The following DRC1 variants were observed in gnomAD, a reference collection of about 807,000 sequenced individuals.
DRC1 encodes dynein regulatory complex subunit 1.
A neutral mutation model predicts 98.7 loss-of-function variants in DRC1; 74 were observed. That is an observed-to-expected ratio of 0.75 (90% CI 0.62 to 0.91). The LOEUF (loss-of-function observed/expected upper bound fraction) is 0.91, where lower values mean the gene tolerates loss of function less well. Ranked by LOEUF, DRC1 falls within the 40% of genes least tolerant of loss-of-function variation. The probability of loss-of-function intolerance (pLI) is 0.00; values close to 1 mark genes in which losing one functional copy is unlikely to be tolerated. For missense variants in DRC1, 875 were observed against 886.0 expected (o/e 0.99, Z 0.16); for synonymous variants, 336 against 334.1 (o/e 1.01, Z -0.06).
intron 15 of DRC1, 68 bp from the exon 16 acceptor site, chr2:26,455,063 G>T: frequency 1.3e-6 from 2 of 1,561,018 alleles, no homozygotes; most frequent in Non-Finnish European, 1.8e-6. Context: ...CAACCACCAA[G>T]ACCCTGGCCC....
chr2:26,455,012 A>T, intron 15 of DRC1, 119 bp from the exon 16 acceptor site: 1 of 1,375,388 alleles, frequency 7.3e-7, no homozygotes, highest in South Asian at 1.2e-5. Context: ...CTGGGTGAAG[A>T]GTGTAGCTTC....
At chr2:26,436,664 A>T (rs1290908982) in intron 7 of DRC1, among the ~76,000 whole-genome samples, 1 of 152,214 alleles carries the variant, frequency 6.6e-6, no homozygotes, top group African/African-American at 2.4e-5. Flanking sequence ...TGAAATTCAC[A>T]TGAGCATGCA....
intron 4 of DRC1, 117 bp from the exon 5 acceptor site, chr2:26,429,511 T>C: frequency 7.3e-7 from 1 of 1,373,800 alleles, no homozygotes. Context: ...CAGCCCTCTT[T>C]GTACAGTTTC....
chr2:26,438,037 A>G (rs1160661177), intron 7 of DRC1, among the ~76,000 whole-genome samples: 1 of 143,002 alleles, frequency 7.0e-6, no homozygotes, highest in Non-Finnish European at 1.5e-5. Context: ...GGTTGCAGTG[A>G]GCTGAGATCA....
chr2:26,428,316 T>C (rs1663336745), intron 4 of DRC1, among the ~76,000 whole-genome samples: 1 of 152,234 alleles, frequency 6.6e-6, no homozygotes, highest in Non-Finnish European at 1.5e-5. Context: ...ATTTCATTGT[T>C]GTGAGAACAT....
At chr2:26,456,379 G>A in intron 16 of DRC1, 82 bp from the exon 17 acceptor site, 3 of 1,563,554 alleles carry the variant, frequency 1.9e-6, no homozygotes, top group Non-Finnish European at 2.6e-6. Flanking sequence ...GAGGCCCATG[G>A]GAGAGCCAGC....
At chr2:26,422,322 C>T (rs945916620) in intron 3 of DRC1, among the ~76,000 whole-genome samples, 6 of 152,114 alleles carry the variant, frequency 3.9e-5, no homozygotes, top group Non-Finnish European at 7.3e-5. Context: ...ACCAGACCCA[C>T]GAATACCTCA....
intron 1 of DRC1, among the ~76,000 whole-genome samples, chr2:26,404,366 C>T (rs1678352921): frequency 6.6e-6 from 1 of 152,176 alleles, no homozygotes; most frequent in Non-Finnish European, 1.5e-5. Flanking sequence ...GATTATTTTT[C>T]CTGATTGAGG....
At chr2:26,418,710 T>C (rs1159193548) in intron 2 of DRC1, among the ~76,000 whole-genome samples, 4 of 96,486 alleles carry the variant, frequency 4.1e-5, no homozygotes, top group African/African-American at 8.5e-5. Flanking sequence ...ATATTTAATT[T>C]ATATAATATA....
At chr2:26,426,168 T>C (rs1663278462) in intron 4 of DRC1, among the ~76,000 whole-genome samples, 1 of 152,208 alleles carries the variant, frequency 6.6e-6, no homozygotes. Context: ...CTCCACTGTA[T>C]AGTCTTGTCA....
rs116590182 is a variant in DRC1, at chr2:26,432,287, C to T, written c.888+281C>T. ...CGAGGCATGAGGATCGCTTGAGCCC[C>T]GGAGTTCGAGACCAACCTGGGCAAC... On this transcript the variant is annotated intron_variant, in intron 7 of 16. Coordinates refer to ENST00000288710, the MANE Select transcript of DRC1 (RefSeq NM_145038.5). Among the ~76,000 whole-genome samples the T allele has an allele frequency of 4.9e-3, 750 of 152,080 alleles. 7 individuals are homozygous for T. Among genetic ancestry groups the T allele is most frequent in the African/African-American group, 0.017 (717 of 41,478 alleles).
chr2:26,429,743 G>T lies in DRC1; in HGVS notation c.656G>T (p.Arg219Leu), dbSNP rs541474349. The T allele has an allele frequency of 1.2e-6, 2 of 1,614,120 alleles. No individual in the cohort carries two copies. Among genetic ancestry groups the T allele is most frequent in the Non-Finnish European group, 1.7e-6 (2 of 1,180,002 alleles). The stretch of plus-strand genomic sequence containing the variant: ...GTGAAGAATGTGATGAAAACCTTTC[G>T]TGAGGAGCTCTATAACATTGAGGTA... ...EQVKNVMKTF[R>L]EELYNIEKAF... is the part of the protein sequence containing the mutation. The change falls in exon 5 of 17, where the codon CGT (arginine) becomes CTT (leucine). Residue 219 changes from arginine (R) to leucine (L), a missense_variant. Coordinates refer to ENST00000288710, the MANE Select transcript of DRC1 (RefSeq NM_145038.5).
chr2:26,430,703 A>G, intron 5 of DRC1, 83 bp from the exon 6 acceptor site: 1 of 1,407,332 alleles, frequency 7.1e-7, no homozygotes, highest in Middle Eastern at 1.8e-4. Flanking sequence ...TATGGCACTT[A>G]TAGTTACCTG....
At chr2:26,405,028 A>G (rs1053834725) in intron 1 of DRC1, among the ~76,000 whole-genome samples, 2 of 152,210 alleles carry the variant, frequency 1.3e-5, no homozygotes, top group South Asian at 2.1e-4. Flanking sequence ...GAATCATTAC[A>G]ATATATATTT....
At chr2:26,445,783 C>T (rs149819077) in intron 10 of DRC1, among the ~76,000 whole-genome samples, 3 of 152,006 alleles carry the variant, frequency 2.0e-5, no homozygotes, top group East Asian at 1.9e-4. Context: ...CTCAGCCTCC[C>T]GAGGAGCTGG....
rs932144403 is a variant in DRC1, at chr2:26,456,551, G to A, written c.*34G>A. 1.2e-6 allele frequency: 2 copies of A among 1,613,332 alleles called. No individual in the cohort carries two copies. Among genetic ancestry groups the A allele is most frequent in the East Asian group, 4.5e-5 (2 of 44,866 alleles). On this transcript the variant is annotated 3_prime_UTR_variant, in exon 17 of 17. Transcript: ENST00000288710. The stretch of plus-strand genomic sequence containing the variant: ...GCCAAAGGCTGATGTGTTAGGGCTG[G>A]CCTGATGCTGGTGTCTGTGCCGGAG...
chr2:26,433,702 G>A (rs1262039706), intron 7 of DRC1, among the ~76,000 whole-genome samples: 1 of 152,160 alleles, frequency 6.6e-6, no homozygotes, highest in African/African-American at 2.4e-5. Context: ...ATCCTGGGGT[G>A]GGTGTAGGAG....
At chr2:26,440,175 T>C (rs1331940296) in intron 7 of DRC1, among the ~76,000 whole-genome samples, 12 of 151,510 alleles carry the variant, frequency 7.9e-5, no homozygotes, top group Admixed American at 7.2e-4. Flanking sequence ...TGGCTATGCA[T>C]AGCTAGGTAA....
rs1440342812 is a variant in DRC1, at chr2:26,444,886, C to G, written c.1334C>G (p.Pro445Arg). The change falls in exon 10 of 17, where the codon CCT becomes CGT. Residue 445 changes from proline (P) to arginine (R), a missense_variant. Pro to Arg is a moderately radical substitution (Grantham distance 103, BLOSUM62 -2). Coordinates refer to ENST00000288710, the MANE Select transcript of DRC1 (RefSeq NM_145038.5). ...TTCTGGTTCCTGAACAATGTTGGGC[C>G]TATTTCTCAGCAGCCCCAGAAGTCC... ...PDFWFLNNVG[P>R]ISQQPQKSAT... 4 of 1,614,174 alleles carry G rather than the reference C, an allele frequency of 2.5e-6. No homozygotes were observed. Among genetic ancestry groups the G allele is most frequent in the Non-Finnish European group, 3.4e-6 (4 of 1,180,034 alleles).
Sources: allele counts gnomAD v4.1 joint callset (sites outside exome capture counted in the v4.1 genomes callset), GRCh38; gene constraint gnomAD v4.1.1; transcripts MANE v1.5; gene names NCBI Gene and HGNC (gene_info 2026-07-23, HGNC 2026-07-21).